HMGCLL1: variants seen among roughly 807,000 people sequenced by gnomAD.
HMGCLL1 encodes the protein 3-hydroxymethyl-3-methylglutaryl-CoA lyase, cytoplasmic.
In HMGCLL1, 36 loss-of-function variants were observed where a neutral mutation model predicts 39.1. The observed-to-expected ratio is 0.92, with a 90% CI of 0.71 to 1.22. The LOEUF is 1.22. Ranked by LOEUF, HMGCLL1 falls within the 50% of genes most tolerant of loss-of-function variation. HMGCLL1 has a pLI of 0.00. For missense variants in HMGCLL1, 451 were observed against 416.5 expected, an observed-to-expected ratio of 1.08 and a Z score of -0.72; for synonymous variants, 149 against 144.0, an observed-to-expected ratio of 1.03 and a Z score of -0.25.
chr6:55,491,558 C>G (rs988411712), intron 7 of HMGCLL1, among the ~76,000 whole-genome samples: 17 of 152,242 alleles, frequency 1.1e-4, no homozygotes, highest in African/African-American at 2.9e-4. Flanking sequence ...TGCTACCAAT[C>G]AATGTGTAGC....
At chr6:55,524,845 T>C (rs1768231739) in intron 3 of HMGCLL1, among the ~76,000 whole-genome samples, 2 of 151,804 alleles carry the variant, frequency 1.3e-5, no homozygotes, top group African/African-American at 4.8e-5. Flanking sequence ...GGCTAAACTT[T>C]ACAGCACTTT....
intron 7 of HMGCLL1, among the ~76,000 whole-genome samples, chr6:55,449,968 A>C (rs1311425890): frequency 1.3e-5 from 2 of 152,128 alleles, no homozygotes; most frequent in Non-Finnish European, 2.9e-5. Context: ...GCAATTAAAA[A>C]TAAGGAAAAA....
At chr6:55,635,782 T>C in the HMGCLL1 span, among the ~76,000 whole-genome samples, 1 of 152,072 alleles carries the variant, frequency 6.6e-6, no homozygotes, top group Admixed American at 6.6e-5. Flanking sequence ...AAAGAAAAAT[T>C]CATTGTTCCA....
intron 1 of HMGCLL1, among the ~76,000 whole-genome samples, chr6:55,561,952 T>C (rs1770969678): frequency 6.6e-6 from 1 of 152,140 alleles, no homozygotes; most frequent in African/African-American, 2.4e-5. Flanking sequence ...ACAAATGTTC[T>C]CAAACAAGTC....
chr6:55,557,974 ACT>A (rs1770759235), intron 1 of HMGCLL1, among the ~76,000 whole-genome samples: 1 of 152,170 alleles, frequency 6.6e-6, no homozygotes, highest in African/African-American at 2.4e-5. Flanking sequence ...TGTCAAAAAT[ACT>A]GGTGCCTTAC....
At chr6:55,615,527 A>G in the HMGCLL1 span, among the ~76,000 whole-genome samples, 1 of 152,164 alleles carries the variant, frequency 6.6e-6, no homozygotes. Context: ...ACCTAATCCA[A>G]TGTAATTAGG....
rs574443604 is a variant in HMGCLL1, at chr6:55,523,461, C to T, written c.298-6858G>A. On this transcript the variant is annotated intron_variant, in intron 3 of 8. Coordinates refer to ENST00000274901, the MANE Select transcript of HMGCLL1 (RefSeq NM_001042406.2). Reference sequence around the variant, plus strand: ...CAAAGTATTGCTGTGATGTATACAGCGGTTCTCCTGCAATGGTCTTCAAGT... The same window carrying T: ...CAAAGTATTGCTGTGATGTATACAGTGGTTCTCCTGCAATGGTCTTCAAGT... Among the ~76,000 whole-genome samples the T allele has an allele frequency of 2.6e-5, 4 of 151,984 alleles. No homozygotes were observed. In the South Asian group the frequency reaches 8.3e-4, roughly 32 times the overall value.
the HMGCLL1 span, among the ~76,000 whole-genome samples, chr6:55,592,416 G>T: frequency 6.6e-6 from 1 of 152,034 alleles, no homozygotes; most frequent in African/African-American, 2.4e-5. Flanking sequence ...TCAAGTTTAT[G>T]TGCAACATTT....
chr6:55,673,326 C>T, the HMGCLL1 span, among the ~76,000 whole-genome samples: 2 of 151,916 alleles, frequency 1.3e-5, no homozygotes, highest in Non-Finnish European at 2.9e-5. Flanking sequence ...CACTTATCAG[C>T]CTCGGCTTGC....
intron 1 of HMGCLL1, among the ~76,000 whole-genome samples, chr6:55,568,574 T>C (rs1044474248): frequency 2.6e-5 from 4 of 152,152 alleles, no homozygotes; most frequent in Admixed American, 1.3e-4. Context: ...AGGGGTTATA[T>C]TGGGCTCACC....
the HMGCLL1 span, among the ~76,000 whole-genome samples, chr6:55,677,389 G>A: frequency 2.3e-4 from 35 of 152,056 alleles, no homozygotes; most frequent in South Asian, 2.5e-3. Context: ...CAACCCCCCC[G>A]ACACATACAC....
the HMGCLL1 span, among the ~76,000 whole-genome samples, chr6:55,676,561 C>A: frequency 8.8e-4 from 134 of 152,264 alleles, no homozygotes; most frequent in Non-Finnish European, 1.2e-3. Flanking sequence ...GCATTCCTCC[C>A]ACTTATTACA....
chr6:55,518,735 T>C (rs917773860), intron 3 of HMGCLL1, among the ~76,000 whole-genome samples: 1 of 152,080 alleles, frequency 6.6e-6, no homozygotes, highest in Non-Finnish European at 1.5e-5. Flanking sequence ...CCCCAGCCAA[T>C]AGTCAGTGTC....
chr6:55,587,922 C>A, the HMGCLL1 span, among the ~76,000 whole-genome samples: 1 of 152,214 alleles, frequency 6.6e-6, no homozygotes, highest in Admixed American at 6.5e-5. Flanking sequence ...TAGAGACCTA[C>A]AAAGAGACGT....
At chr6:55,523,696 A>G (rs959136849) in intron 3 of HMGCLL1, among the ~76,000 whole-genome samples, 1 of 151,874 alleles carries the variant, frequency 6.6e-6, no homozygotes, top group African/African-American at 2.4e-5. Flanking sequence ...TCATATTACA[A>G]CTCACTGTAG....
At chr6:55,631,863 C>T in the HMGCLL1 span, among the ~76,000 whole-genome samples, 3 of 152,002 alleles carry the variant, frequency 2.0e-5, no homozygotes, top group East Asian at 1.9e-4. Context: ...GTAGGTCTGA[C>T]TCTGATAATG....
the HMGCLL1 span, among the ~76,000 whole-genome samples, chr6:55,617,501 T>C: frequency 4.1e-3 from 625 of 152,254 alleles, 3 homozygotes; most frequent in Non-Finnish European, 6.9e-3. Flanking sequence ...TTGCCAGCTC[T>C]GCTAGGTTGT....
chr6:55,466,126 GA>G (rs991314532), intron 7 of HMGCLL1, among the ~76,000 whole-genome samples: 2 of 152,068 alleles, frequency 1.3e-5, no homozygotes, highest in Non-Finnish European at 2.9e-5. Context: ...TTGAGATCCA[GA>G]ACCCTACAAG....
At chr6:55,634,182 G>A in the HMGCLL1 span, among the ~76,000 whole-genome samples, 2 of 151,930 alleles carry the variant, frequency 1.3e-5, no homozygotes, top group African/African-American at 2.4e-5. Context: ...GTGTCAACCA[G>A]CAGTGGAGAG....
Sources: gnomAD v4.1 joint callset for allele counts (sites outside exome capture counted in the v4.1 genomes callset) on GRCh38, gnomAD v4.1.1 for gene constraint, MANE v1.5 for transcripts, NCBI Gene and HGNC (gene_info 2026-07-23, HGNC 2026-07-21) for gene names.